The following PPIE variants were observed in gnomAD, a reference collection of about 807,000 sequenced individuals.
PPIE encodes the protein peptidylprolyl isomerase E.
In PPIE, 20 loss-of-function variants were observed where a neutral mutation model predicts 38.4. The observed-to-expected ratio is 0.52, with a 90% CI of 0.37 to 0.76. The LOEUF (loss-of-function observed/expected upper bound fraction) is 0.76, where lower values mean the gene tolerates loss of function less well. PPIE is among the 30% of genes least tolerant of loss of function. PPIE has a pLI of 0.00. For missense variants in PPIE, 322 were observed against 385.8 expected (o/e 0.83, Z 1.39); for synonymous variants, 142 against 135.7 (o/e 1.05, Z -0.32).
intron 8 of PPIE, among the ~76,000 whole-genome samples, chr1:39,752,235 A>G (rs1023380852): frequency 2.0e-5 from 3 of 152,158 alleles, no homozygotes; most frequent in Admixed American, 1.3e-4. Flanking sequence ...GCAGACTGGC[A>G]TCTGCATGCT....
intron 7 of PPIE, 44 bp from the exon 8 acceptor site, chr1:39,748,859 G>T: frequency 5.8e-6 from 9 of 1,563,578 alleles, no homozygotes; most frequent in Non-Finnish European, 7.8e-6. Context: ...TTTTTATTTT[G>T]TCCTATTTTT....
chr1:39,741,239 TA>T, intron 2 of PPIE, 126 bp from the exon 3 acceptor site: 1 of 771,698 alleles, frequency 1.3e-6, no homozygotes, highest in Non-Finnish European at 2.2e-6. Flanking sequence ...TCCTTCTTCC[TA>T]AATAGTGATT....
At position 39,754,839 on chromosome 1, in the gene PPIE, CAA is replaced by C. The variant is rs1648100852; in HGVS notation, c.*1485_*1486del. Among the ~76,000 whole-genome samples, 1 of 152,162 alleles carries C rather than the reference CAA, an allele frequency of 6.6e-6. No homozygotes were observed. Among genetic ancestry groups the C allele is most frequent in the Non-Finnish European group, 1.5e-5 (1 of 68,036 alleles). On this transcript the variant is annotated 3_prime_UTR_variant, in exon 10 of 10. Coordinates refer to ENST00000324379, the MANE Select transcript of PPIE (RefSeq NM_006112.4). ...TGCCACTGTACTCCAGCCTGGGTGA[CAA>C]GAGGGAGACCCTGTCTTGAAAAAAA...
chr1:39,743,977 A>T (rs902909044), intron 6 of PPIE, 53 bp downstream of exon 6: 1 of 1,312,420 alleles, frequency 7.6e-7, no homozygotes, highest in Non-Finnish European at 1.1e-6. Context: ...TCCACAGGAG[A>T]CTTTTTTTTT....
rs1163042398 is a variant in PPIE at position 39,753,955 on chromosome 1, C to T, written c.*600C>T. 2.9e-5 allele frequency: 29 copies of T among 985,338 alleles called. No individual in the cohort carries two copies. In the East Asian group the frequency reaches 3.4e-4, roughly 12 times the overall value. 61.0% of individuals were successfully genotyped at this position (985,338 alleles called of 1,614,324 possible). ...CTCCTAAACCCAGCTGCCGGCCTTACAGCCAGCAAGTGTACTCTCAGTGGT... is the reference window on the plus strand; with the variant it reads ...CTCCTAAACCCAGCTGCCGGCCTTATAGCCAGCAAGTGTACTCTCAGTGGT... On this transcript the variant is annotated 3_prime_UTR_variant, in exon 10 of 10. Transcript: ENST00000324379.
chr1:39,756,733 GA>G lies in PPIE; in HGVS notation c.*3385del, dbSNP rs1214735250. 1.0e-5 allele frequency: 5 copies of G among 479,782 alleles called. No individual in the cohort carries two copies. Among genetic ancestry groups the G allele is most frequent in the Non-Finnish European group, 1.1e-5 (4 of 368,290 alleles). The allele number at this position is 479,782 out of a possible 1,614,324, so 29.7% of individuals were successfully genotyped here. A position where few individuals can be genotyped will look rare whatever the true frequency, so the allele number is the denominator to read the frequency against. On this transcript the variant is annotated 3_prime_UTR_variant, in exon 10 of 10. Transcript: ENST00000324379. ...AAGCATAGGTATTTGTATATCTTAA[GA>G]AAAAAAGCCTAGAAATAAAGCCACA...
At chr1:39,738,981 G>A (rs1455149915) in intron 1 of PPIE, 50 bp downstream of exon 1, 6 of 1,403,700 alleles carry the variant, frequency 4.3e-6, no homozygotes, top group Non-Finnish European at 5.6e-6. Context: ...CGACCCCCAA[G>A]GGTCGGGGCG....
intron 2 of PPIE, among the ~76,000 whole-genome samples, chr1:39,740,747 T>G (rs1647036797): frequency 6.6e-6 from 1 of 152,242 alleles, no homozygotes; most frequent in African/African-American, 2.4e-5. Context: ...TTACCTTTGT[T>G]GTCATTTTTA....
intron 3 of PPIE, 73 bp from the exon 4 acceptor site, chr1:39,741,822 G>A: frequency 1.9e-6 from 3 of 1,553,590 alleles, no homozygotes; most frequent in Non-Finnish European, 2.7e-6. Flanking sequence ...TTTTGCTACT[G>A]AGCATGTGTT....
Position 39,743,199 on chromosome 1 carries a change from A to AT in PPIE, c.202-13dup. On this transcript the variant is annotated splice_polypyrimidine_tract_variant and intron_variant, in intron 4 of 9. Coordinates refer to ENST00000324379, the MANE Select transcript of PPIE (RefSeq NM_006112.4). Reference sequence around the variant, plus strand: ...AACCTAAGAGAGTTTAAGCAGCTGGATTTTCAATCTTTTCAGAATGAATCT... The same window carrying AT: ...AACCTAAGAGAGTTTAAGCAGCTGGATTTTTCAATCTTTTCAGAATGAATCT... 1 of 1,612,598 alleles carries AT rather than the reference A, an allele frequency of 6.2e-7. No homozygotes were observed. The highest frequency in any genetic ancestry group is 8.5e-7 in the Non-Finnish European group (1 of 1,178,630).
chr1:39,745,625 C>CCCAGGA, intron 7 of PPIE, 127 bp downstream of exon 7: 1 of 1,457,236 alleles, frequency 6.9e-7, no homozygotes, highest in Non-Finnish European at 9.3e-7. Flanking sequence ...TTTGAGGCAT[C>CCCAGGA]TCAGATCCTG....
chr1:39,748,969 T>G lies in PPIE; in HGVS notation c.575T>G (p.Ile192Ser). The change falls in exon 8 of 10, where the codon ATC becomes AGC. Residue 192 changes from isoleucine to serine, a missense_variant. Ile to Ser is a moderately radical substitution (Grantham distance 142, BLOSUM62 -2). Coordinates refer to ENST00000324379, the MANE Select transcript of PPIE (RefSeq NM_006112.4). Reference protein sequence around the residue: ...FGFKGSSFHRIIPQFMCQGGD... With the variant: ...FGFKGSSFHRSIPQFMCQGGD... Reference sequence around the variant, plus strand: ...TTTAAGGGAAGCAGCTTCCACCGCATCATCCCCCAGTTCATGTGCCAGGGC... The same window carrying G: ...TTTAAGGGAAGCAGCTTCCACCGCAGCATCCCCCAGTTCATGTGCCAGGGC... The G allele has an allele frequency of 6.2e-7, 1 of 1,614,148 alleles. No homozygotes were observed. Among genetic ancestry groups the G allele is most frequent in the Non-Finnish European group, 8.5e-7 (1 of 1,180,002 alleles).
Position 39,745,479 on chromosome 1 carries a change from T to C in PPIE, c.489T>C (p.Asp163=). Residue 163 remains aspartate, a synonymous_variant, in exon 7 of 10, where the codon GAT becomes GAC. Coordinates refer to ENST00000324379, the MANE Select transcript of PPIE (RefSeq NM_006112.4). The stretch of plus-strand genomic sequence containing the variant: ...GCATCCAGATGCTCCTGCGTTCTGA[T>C]GTCGTGCCCATGACAGCAGGTGAGC... The part of the protein sequence containing the change: ...AGRIQMLLRS[D]VVPMTAENFR... 1.2e-6 allele frequency: 2 copies of C among 1,614,234 alleles called. No individual in the cohort carries two copies. The highest frequency in any genetic ancestry group is 1.7e-6 in the Non-Finnish European group (2 of 1,180,046).
chr1:39,746,637 T>C (rs1360036910), intron 7 of PPIE: 2 of 152,252 alleles, frequency 1.3e-5, no homozygotes, highest in Admixed American at 6.5e-5. Flanking sequence ...CTTTCTTAAA[T>C]GGGCTTTCAG....
intron 1 of PPIE, among the ~76,000 whole-genome samples, chr1:39,739,739 G>A (rs970807690): frequency 6.6e-6 from 1 of 152,142 alleles, no homozygotes; most frequent in African/African-American, 2.4e-5. Context: ...GTCATTATTC[G>A]GGAGACCCAG....
chr1:39,760,165 C>T (rs930605774), downstream of PPIE: 10 of 597,978 alleles, frequency 1.7e-5, no homozygotes, highest in African/African-American at 5.6e-5. Context: ...CCGGGAGAGG[C>T]GTTTGCATTT....
intron 7 of PPIE, chr1:39,745,795 T>G (rs907898060): frequency 7.7e-6 from 2 of 260,918 alleles, no homozygotes; most frequent in Non-Finnish European, 1.5e-5. Context: ...GACAATAAAT[T>G]GAAAATTCAT....
chr1:39,754,014 A>T lies in PPIE; in HGVS notation c.*659A>T. 1 of 985,426 alleles carries T rather than the reference A, an allele frequency of 1.0e-6. No individual in the cohort carries two copies. The allele number at this position is 985,426 out of a possible 1,614,324, so 61.0% of individuals were successfully genotyped here. ...TTATTTGTTCACTTTCACCCTACAG[A>T]TTTTAAAAAATGAAATTTTTATAAC... On this transcript the variant is annotated 3_prime_UTR_variant, in exon 10 of 10. Coordinates refer to ENST00000324379, the MANE Select transcript of PPIE (RefSeq NM_006112.4).
chr1:39,749,023 G>T lies in PPIE; in HGVS notation c.629G>T (p.Gly210Val). Residue 210 changes from glycine to valine, a missense_variant, in exon 8 of 10, where the codon GGG becomes GTG. Coordinates refer to ENST00000324379, the MANE Select transcript of PPIE (RefSeq NM_006112.4). ...GATTTCACAAACCACAATGGCACTG[G>T]GGGCAAGTCCATCTATGGGAAGAAG... ...GGDFTNHNGT[G>V]GKSIYGKKFD... 6.2e-7 allele frequency: 1 copy of T among 1,611,832 alleles called. No homozygotes were observed. The highest frequency in any genetic ancestry group is 8.5e-7 in the Non-Finnish European group (1 of 1,179,442).
Sources: gnomAD v4.1 joint callset for allele counts (sites outside exome capture counted in the v4.1 genomes callset) on GRCh38, gnomAD v4.1.1 for gene constraint, MANE v1.5 for transcripts, NCBI Gene and HGNC (gene_info 2026-07-23, HGNC 2026-07-21) for gene names.